Variants in MYO1E observed in about 807,000 individuals in gnomAD.
The protein encoded by MYO1E is unconventional myosin-Ie.
In MYO1E, 68 loss-of-function variants were observed where a neutral mutation model predicts 151.1. The ratio of observed to expected loss-of-function variants is 0.45; its 90% CI spans 0.37 to 0.55. The LOEUF (loss-of-function observed/expected upper bound fraction) is 0.55, where lower values mean the gene tolerates loss of function less well. Ranked by LOEUF, MYO1E falls within the 20% of genes least tolerant of loss-of-function variation. The pLI is 0.00. For synonymous variants in MYO1E, 601 were observed against 501.7 expected (o/e 1.20, Z -2.64); for missense variants, 1,363 against 1,389.3 (o/e 0.98, Z 0.30).
chr15:59,162,088 G>A (rs562981488), intron 23 of MYO1E, among the ~76,000 whole-genome samples: 24 of 152,272 alleles, frequency 1.6e-4, no homozygotes, highest in South Asian at 4.1e-4. Flanking sequence ...CCAGGCTGGC[G>A]TGCAGTGGTG....
chr15:59,189,201 AAGC>A (rs1325590821), intron 17 of MYO1E, among the ~76,000 whole-genome samples: 5 of 152,106 alleles, frequency 3.3e-5, no homozygotes, highest in African/African-American at 1.2e-4. Flanking sequence ...TTGGGACTAC[AAGC>A]ATGCACCACC....
chr15:59,220,581 A>G (rs149560347), intron 9 of MYO1E, among the ~76,000 whole-genome samples: 2 of 152,238 alleles, frequency 1.3e-5, no homozygotes, highest in African/African-American at 4.8e-5. Context: ...AGAGCAAGAG[A>G]AAGTCTGCTT....
chr15:59,240,091 G>A (rs1566989360), intron 4 of MYO1E, among the ~76,000 whole-genome samples: 1 of 152,122 alleles, frequency 6.6e-6, no homozygotes, highest in African/African-American at 2.4e-5. Context: ...TTATAAAATG[G>A]ACACACACAC....
chr15:59,167,468 T>C lies in MYO1E; in HGVS notation c.2481-4165A>G, dbSNP rs540111315. On this transcript the variant is annotated intron_variant, in intron 22 of 27. Coordinates refer to ENST00000288235, the MANE Select transcript of MYO1E (RefSeq NM_004998.4). ...GGTCACCCTTCCTGCAATTGAGTTT[T>C]TCAAATAAGAGTGGGGCCAGGCCAG... Among the ~76,000 whole-genome samples the C allele has an allele frequency of 2.0e-5, 3 of 152,260 alleles. No homozygotes were observed. The East Asian group carries it at 5.8e-4, about 29-fold the overall frequency.
chr15:59,226,544 C>A (rs191406493), intron 7 of MYO1E, among the ~76,000 whole-genome samples: 1 of 152,184 alleles, frequency 6.6e-6, no homozygotes, highest in African/African-American at 2.4e-5. Flanking sequence ...CAATGGCTCA[C>A]GCCTGTAATC....
intron 26 of MYO1E, among the ~76,000 whole-genome samples, chr15:59,138,575 TA>T: frequency 6.6e-6 from 1 of 152,200 alleles, no homozygotes; most frequent in East Asian, 1.9e-4. Context: ...ACATAGCTCT[TA>T]AAAACCTTAG....
At chr15:59,297,025 GTGTT>G (rs2080453624) in intron 1 of MYO1E, among the ~76,000 whole-genome samples, 1 of 54,828 alleles carries the variant, frequency 1.8e-5, no homozygotes, top group Non-Finnish European at 4.4e-5. Flanking sequence ...CTAATTTTTT[GTGTT>G]TTTTTGTAGA....
At chr15:59,298,797 G>A (rs527888637) in intron 1 of MYO1E, among the ~76,000 whole-genome samples, 3 of 152,334 alleles carry the variant, frequency 2.0e-5, no homozygotes, top group Admixed American at 2.0e-4. Context: ...GCCAACATCT[G>A]TCCTTGAATC....
intron 17 of MYO1E, among the ~76,000 whole-genome samples, chr15:59,188,913 T>C (rs1755348009): frequency 6.6e-6 from 1 of 152,200 alleles, no homozygotes; most frequent in South Asian, 2.1e-4. Context: ...ACTTAAATTT[T>C]AATATTGATT....
rs1455735605 is a variant in MYO1E at position 59,270,543 on chromosome 15, A to T, written c.147+1763T>A. On this transcript the variant is annotated intron_variant, in intron 2 of 27. Coordinates refer to ENST00000288235, the MANE Select transcript of MYO1E (RefSeq NM_004998.4). ...GGGTGACAGAGGGAGACCCTGTCTT[A>T]AAAAAAAAAAAAAAAAGAAAAGAAA... 6.3e-5 allele frequency among the ~76,000 whole-genome samples: 8 copies of T among 127,222 alleles called. No homozygotes were observed. The East Asian group carries it at 1.0e-3, about 17-fold the overall frequency. The allele number at this position is 127,222 out of a possible 152,430, so 83.5% of individuals were successfully genotyped here.
intron 1 of MYO1E, among the ~76,000 whole-genome samples, chr15:59,275,462 T>G (rs1387022571): frequency 6.6e-6 from 1 of 152,198 alleles, no homozygotes; most frequent in South Asian, 2.1e-4. Flanking sequence ...GCCAGGCAAT[T>G]ATAGTTACAT....
chr15:59,354,676 G>A (rs1449939571), intron 1 of MYO1E, among the ~76,000 whole-genome samples: 1 of 152,196 alleles, frequency 6.6e-6, no homozygotes, highest in Non-Finnish European at 1.5e-5. Context: ...GCTTTTGAAC[G>A]GATAGTGGTG....
chr15:59,237,010 A>G (rs1323539871), intron 4 of MYO1E, among the ~76,000 whole-genome samples: 1 of 152,262 alleles, frequency 6.6e-6, no homozygotes, highest in East Asian at 1.9e-4. Context: ...ATTACAACTG[A>G]CATGAAGACT....
intron 9 of MYO1E, among the ~76,000 whole-genome samples, chr15:59,221,691 T>A (rs2079957457): frequency 6.6e-6 from 1 of 152,204 alleles, no homozygotes; most frequent in Non-Finnish European, 1.5e-5. Context: ...CAGTTGCCAG[T>A]GCTCGGCCTT....
intron 4 of MYO1E, among the ~76,000 whole-genome samples, chr15:59,251,678 T>C (rs534058040): frequency 2.5e-4 from 38 of 152,356 alleles, no homozygotes; most frequent in Admixed American, 9.1e-4. Context: ...ACTTCAGATA[T>C]GTATTTACCT....
At chr15:59,206,833 C>T in intron 14 of MYO1E, 1 of 1,157,312 alleles carries the variant, frequency 8.6e-7, no homozygotes. Flanking sequence ...GGGGCACGCG[C>T]ACCTGCCGTA....
chr15:59,288,338 G>T (rs1362220103), intron 1 of MYO1E, among the ~76,000 whole-genome samples: 2 of 152,028 alleles, frequency 1.3e-5, no homozygotes, highest in Non-Finnish European at 2.9e-5. Context: ...ACCATGTCTG[G>T]CTAATTTCTT....
chr15:59,140,943 TG>T (rs1313652447), intron 26 of MYO1E, among the ~76,000 whole-genome samples: 1 of 152,232 alleles, frequency 6.6e-6, no homozygotes, highest in East Asian at 1.9e-4. Flanking sequence ...GTTCTTAGTG[TG>T]ACATCATTCG....
chr15:59,229,301 G>A (rs1263279508), intron 6 of MYO1E, among the ~76,000 whole-genome samples: 3 of 152,092 alleles, frequency 2.0e-5, no homozygotes, highest in Non-Finnish European at 4.4e-5. Context: ...CCCAGGCCAC[G>A]CACATCAGAC....
Sources: gnomAD v4.1 joint callset for allele counts (sites outside exome capture counted in the v4.1 genomes callset) on GRCh38, gnomAD v4.1.1 for gene constraint, MANE v1.5 for transcripts, NCBI Gene and HGNC (gene_info 2026-07-23, HGNC 2026-07-21) for gene names.